Variants in CFAP57 observed in about 807,000 individuals in gnomAD.
CFAP57 encodes cilia- and flagella-associated protein 57.
In CFAP57, 116 loss-of-function variants were observed where a neutral mutation model predicts 146.8. The observed-to-expected ratio is 0.79, with a 90% confidence interval of 0.68 to 0.92. The LOEUF (loss-of-function observed/expected upper bound fraction) is 0.92, where lower values mean the gene tolerates loss of function less well. Among genes scored for constraint, CFAP57 ranks in the 40% least tolerant of loss-of-function variants. CFAP57 has a pLI of 0.00. For missense variants in CFAP57, 1,377 were observed against 1,527.2 expected, an observed-to-expected ratio of 0.90 and a Z score of 1.64; for synonymous variants, 518 against 552.8, an observed-to-expected ratio of 0.94 and a Z score of 0.88.
chr1:43,229,633 C>G (rs1040020140), intron 18 of CFAP57, among the ~76,000 whole-genome samples: 1 of 148,792 alleles, frequency 6.7e-6, no homozygotes, highest in African/African-American at 2.5e-5. Context: ...TCTGATGATC[C>G]AAGGGTCCCT....
chr1:43,215,488 T>C (rs2124526882), intron 12 of CFAP57, 72 bp downstream of exon 12: 1 of 1,500,480 alleles, frequency 6.7e-7, no homozygotes, highest in Non-Finnish European at 9.0e-7. Context: ...GGTCCAGCAC[T>C]GGGGCCCTCT....
rs771027394 is a variant in CFAP57, at chr1:43,198,538, A to C, written c.1320A>C (p.Pro440=). 4 of 1,614,186 alleles carry C rather than the reference A, an allele frequency of 2.5e-6. No homozygotes were observed. The highest frequency in any genetic ancestry group is 3.4e-6 in the Non-Finnish European group (4 of 1,180,024). The change falls in exon 8 of 23, where the codon CCA becomes CCC. Residue 440 remains proline, a synonymous_variant. Transcript: ENST00000372492. The stretch of plus-strand genomic sequence containing the variant: ...AGGCATATTCCATCAGCCTTCATCC[A>C]TCTGGACACTTCATTGTAGTAGGGT... ...QEEAYSISLH[P]SGHFIVVGFA... is the part of the protein sequence containing the mutation.
chr1:43,223,103 TC>T, intron 16 of CFAP57, 106 bp downstream of exon 16: 1 of 1,249,924 alleles, frequency 8.0e-7, no homozygotes, highest in Non-Finnish European at 1.1e-6. Context: ...GTCCTGCCTG[TC>T]CCCATCTTCA....
chr1:43,242,176 G>A (rs1645950597), intron 21 of CFAP57, among the ~76,000 whole-genome samples: 1 of 152,024 alleles, frequency 6.6e-6, no homozygotes, highest in African/African-American at 2.4e-5. Flanking sequence ...CCCTCTCCTT[G>A]GTGACTCCTT....
rs1306078299 is a variant in CFAP57, at chr1:43,254,056, GCAGCGCCTAGAAATC to G, written c.3627_3641del (p.Glu1210_Leu1214del). 2 of 1,550,520 alleles carry G rather than the reference GCAGCGCCTAGAAATC, an allele frequency of 1.3e-6. No homozygotes were observed. Among genetic ancestry groups the G allele is most frequent in the Admixed American group, 3.9e-5 (2 of 50,982 alleles). On this transcript the variant is annotated inframe_deletion, in exon 23 of 23. Transcript: ENST00000372492. ...AAGAAACTGGGAGGATCATTGAAAT[GCAGCGCCTAGAAATC>G]CAGCGCCTCAGAGACCAGATCCAAG... is the stretch of plus-strand genomic sequence containing the variant.
In CFAP57 at chr1:43,197,737, T is replaced by C. The variant is rs769460652; in HGVS notation, c.1262+45T>C. ...CCTACTTTATTATGCAAGACCCCAG[T>C]TGTGAATTTATGTGAATTATTTTAA... is the stretch of plus-strand genomic sequence containing the variant. On this transcript the variant is annotated intron_variant, in intron 7 of 22. Transcript: ENST00000372492. 8.1e-6 allele frequency: 13 copies of C among 1,609,804 alleles called. No homozygotes were observed. The Admixed American group carries it at 2.0e-4, about 25-fold the overall frequency.
chr1:43,207,807 A>G (rs1397709410), intron 10 of CFAP57, among the ~76,000 whole-genome samples: 1 of 152,236 alleles, frequency 6.6e-6, no homozygotes, highest in Non-Finnish European at 1.5e-5. Flanking sequence ...GAAAGTGCGT[A>G]GATACCACGG....
rs1645267740 is a variant in CFAP57, at chr1:43,178,767, C to T, written c.158-2767C>T. ...CTAGAACTAGAAATACCATTTGACCCAGCCATGCCATTACATGGTATATAC... is the reference window on the plus strand; with the variant it reads ...CTAGAACTAGAAATACCATTTGACCTAGCCATGCCATTACATGGTATATAC... On this transcript the variant is annotated intron_variant, in intron 2 of 22. Coordinates refer to ENST00000372492, the MANE Select transcript of CFAP57 (RefSeq NM_001378189.1). Among the ~76,000 whole-genome samples, 3 of 152,184 alleles carry T rather than the reference C, an allele frequency of 2.0e-5. No homozygotes were observed. The South Asian group carries it at 6.2e-4, about 32-fold the overall frequency.
At chr1:43,184,188 G>A (rs1201061240) in intron 4 of CFAP57, among the ~76,000 whole-genome samples, 3 of 152,126 alleles carry the variant, frequency 2.0e-5, no homozygotes, top group African/African-American at 7.2e-5. Context: ...ATTGATTCAT[G>A]TCCACCAAGC....
intron 11 of CFAP57, 73 bp from the exon 12 acceptor site, chr1:43,215,182 G>T (rs777068784): frequency 9.1e-6 from 14 of 1,533,634 alleles, no homozygotes; most frequent in Middle Eastern, 1.9e-4. Context: ...GGGAAGCCTT[G>T]CGCAACAGCT....
chr1:43,228,802 C>T (rs987042653), intron 18 of CFAP57, among the ~76,000 whole-genome samples: 1 of 149,168 alleles, frequency 6.7e-6, no homozygotes, highest in African/African-American at 2.5e-5. Flanking sequence ...GCTGAAAGTA[C>T]TGGAAGCTGG....
At chr1:43,241,261 C>T (rs1011945227) in intron 21 of CFAP57, among the ~76,000 whole-genome samples, 1 of 152,200 alleles carries the variant, frequency 6.6e-6, no homozygotes, top group Non-Finnish European at 1.5e-5. Context: ...TCCCTCTAGG[C>T]CCCACCTCCA....
intron 18 of CFAP57, among the ~76,000 whole-genome samples, chr1:43,231,199 A>C (rs1195870443): frequency 6.6e-6 from 1 of 152,186 alleles, no homozygotes; most frequent in Non-Finnish European, 1.5e-5. Context: ...TCCAGTAATG[A>C]GGAAAACCTT....
intron 14 of CFAP57, 60 bp from the exon 15 acceptor site, chr1:43,222,045 G>C: frequency 2.1e-6 from 3 of 1,446,998 alleles, no homozygotes; most frequent in Non-Finnish European, 2.8e-6. Context: ...CAAGGCTCCT[G>C]GGTGTCCCTG....
chr1:43,183,923 C>G (rs1418246384), intron 4 of CFAP57, 46 bp downstream of exon 4: 2 of 1,609,340 alleles, frequency 1.2e-6, no homozygotes, highest in Non-Finnish European at 8.5e-7. Context: ...ATTGTACTGA[C>G]AGCATTATGC....
chr1:43,253,870 C>G (rs1646379350), intron 22 of CFAP57, 107 bp from the exon 23 acceptor site: 2 of 993,588 alleles, frequency 2.0e-6, no homozygotes, highest in Non-Finnish European at 3.0e-6. Context: ...GAGTGCTCCA[C>G]AGTAGGTGCC....
At chr1:43,182,410 C>G (rs1645451739) in intron 3 of CFAP57, among the ~76,000 whole-genome samples, 1 of 152,176 alleles carries the variant, frequency 6.6e-6, no homozygotes, top group African/African-American at 2.4e-5. Flanking sequence ...GGTTCACTCA[C>G]CCTAGTCTAG....
chr1:43,205,389 C>T (rs1557769155), intron 9 of CFAP57, among the ~76,000 whole-genome samples: 1 of 152,348 alleles, frequency 6.6e-6, no homozygotes, highest in Admixed American at 6.5e-5. Flanking sequence ...AGAACCTTTG[C>T]TCCACTGCAC....
chr1:43,217,666 C>T (rs560594981), intron 12 of CFAP57, among the ~76,000 whole-genome samples: 3 of 152,146 alleles, frequency 2.0e-5, no homozygotes, highest in Non-Finnish European at 4.4e-5. Flanking sequence ...GTCCCCTTCC[C>T]TACCTCAGTC....
Sources: allele counts gnomAD v4.1 joint callset (sites outside exome capture counted in the v4.1 genomes callset), GRCh38; gene constraint gnomAD v4.1.1; transcripts MANE v1.5; gene names NCBI Gene and HGNC (gene_info 2026-07-23, HGNC 2026-07-21).